FASN: variants seen among roughly 807,000 people sequenced by gnomAD.
FASN encodes the protein 3-hydroxyacyl-[acyl-carrier-protein] dehydratase.
Under a neutral mutation model 250.0 loss-of-function variants are expected in FASN, and 50 were observed. The ratio of observed to expected loss-of-function variants is 0.20; its 90% CI spans 0.16 to 0.25. FASN has a LOEUF of 0.25. Ranked by LOEUF, FASN falls within the 10% of genes least tolerant of loss-of-function variation. The pLI is 1.00. For missense variants in FASN, 3,031 were observed against 3,498.5 expected (o/e 0.87, Z 3.37); for synonymous variants, 1,909 against 1,584.0 (o/e 1.21, Z -4.87).
chr17:82,082,299 G>A, intron 35 of FASN, 24 bp downstream of exon 35: 2 of 1,611,208 alleles, frequency 1.2e-6, no homozygotes, highest in African/African-American at 1.3e-5. Flanking sequence ...GGCAGAGGCG[G>A]GAGCAGGGCT....
Position 82,081,849 on chromosome 17 carries a change from G to A in FASN, c.6164-6C>T. 6.2e-7 allele frequency: 1 copy of A among 1,601,346 alleles called. No homozygotes were observed. The highest frequency in any genetic ancestry group is 8.5e-7 in the Non-Finnish European group (1 of 1,176,580). On this transcript the variant is annotated splice_region_variant and splice_polypyrimidine_tract_variant and intron_variant, in intron 36 of 42. Coordinates refer to ENST00000306749, the MANE Select transcript of FASN (RefSeq NM_004104.5). ...GCCCCACTGCACGGCCAGGCCTGTG[G>A]GGGAGGGGGCAGGTGGGCAGAGCTG...
At position 82,089,170 on chromosome 17, in the gene FASN, C is replaced by T. The variant is rs1221736555; in HGVS notation, c.2103G>A (p.Val701=). The T allele has an allele frequency of 6.3e-7, 1 of 1,582,574 alleles. No homozygotes were observed. Among genetic ancestry groups the T allele is most frequent in the Non-Finnish European group, 8.6e-7 (1 of 1,164,824 alleles). ...CTGAACGTGGCTTCGGCTCCCGGATCACCTGCATGAGGGGCCAGGTCAGTG... is the reference window on the plus strand; with the variant it reads ...CTGAACGTGGCTTCGGCTCCCGGATTACCTGCATGAGGGGCCAGGTCAGTG... ...APPLLQELKK[V]IREPKPRSAR... Residue 701 remains valine (V), a splice_region_variant and synonymous_variant, in exon 14 of 43, where the codon GTG becomes GTA. Transcript: ENST00000306749.
chr17:82,079,875 T>C (rs1408345851), intron 41 of FASN: 1 of 625,806 alleles, frequency 1.6e-6, no homozygotes. Context: ...GCCTGGCTAA[T>C]TTTTGTATTT....
In FASN at chr17:82,080,579, C is replaced by T. The variant is rs933453818; in HGVS notation, c.6838G>A (p.Asp2280Asn). 1 of 1,555,848 alleles carries T rather than the reference C, an allele frequency of 6.4e-7. No individual in the cohort carries two copies. Reference protein sequence around the residue: ...GLQCTRAAPLDSIHSLAAYYI... With the variant: ...GLQCTRAAPLNSIHSLAAYYI... ...TAGGCAGCCAGGCTGTGGATGCTGT[C>T]AAGGGGCGCAGCTGCAATGGCAGTG... Residue 2280 changes from aspartate to asparagine, a missense_variant, in exon 40 of 43, where the codon GAC (aspartate) becomes AAC (asparagine). Asp to Asn is a conservative substitution (Grantham distance 23). Transcript: ENST00000306749.
Position 82,082,589 on chromosome 17 carries a change from G to A in FASN, c.5857C>T (p.Arg1953Trp), listed in dbSNP as rs774038785. 8.7e-6 allele frequency: 14 copies of A among 1,609,964 alleles called. No individual in the cohort carries two copies. The highest frequency in any genetic ancestry group is 3.3e-5 in the Admixed American group (2 of 59,984). ...TSNISSLEGARGLIAEAAQLG... is the reference protein window; with the variant it reads ...TSNISSLEGAWGLIAEAAQLG... ...TGCGCCGCCTCGGCAATGAGGCCCC[G>A]GGCCCCCTCCAGTGAGCTGATGTTG... Residue 1953 changes from arginine to tryptophan, a missense_variant, in exon 34 of 43, where the codon CGG becomes TGG. By Grantham distance (101) the Arg-to-Trp change is moderately radical (BLOSUM62 -3). Transcript: ENST00000306749.
intron 11 of FASN, among the ~76,000 whole-genome samples, chr17:82,089,980 C>G (rs2144800233): frequency 6.6e-6 from 1 of 152,338 alleles, no homozygotes; most frequent in South Asian, 2.1e-4. Context: ...CCTCTGCAGC[C>G]AAGGTTCTTT....
Position 82,093,282 on chromosome 17 carries a change from C to T in FASN, c.592G>A (p.Val198Met), listed in dbSNP as rs777202040. The T allele has an allele frequency of 1.3e-5, 20 of 1,596,368 alleles. No homozygotes were observed. Among genetic ancestry groups the T allele is most frequent in the African/African-American group, 1.1e-4 (8 of 74,750 alleles). ...INVLLKPNTS[V>M]QFLRLGMLSP... is the part of the protein sequence containing the mutation. ...AGCATCCCCAGCCTCAAGAACTGCA[C>T]GGAGGTGTTGGGCTTCAGCAGGACA... The change falls in exon 5 of 43, where the codon GTG becomes ATG. Residue 198 changes from valine to methionine, a missense_variant. By Grantham distance (21) the Val-to-Met change is conservative (BLOSUM62 1). Coordinates refer to ENST00000306749, the MANE Select transcript of FASN (RefSeq NM_004104.5).
rs1685686146 is a variant in FASN, at chr17:82,086,332, G to A, written c.3654C>T (p.Leu1218=). 4 of 1,605,580 alleles carry A rather than the reference G, an allele frequency of 2.5e-6. No individual in the cohort carries two copies. The highest frequency in any genetic ancestry group is 3.4e-6 in the Non-Finnish European group (4 of 1,179,032). ...KLPEDPLLSG[L]LDSPALKACL... ...AGGCCTTGAGTGCCGGGGAGTCCAG[G>A]AGGCCGCTGAGCAGAGGGTCCTCTG... The change falls in exon 22 of 43, where the codon CTC becomes CTT. Residue 1218 remains leucine, a synonymous_variant. Transcript: ENST00000306749.
At chr17:82,094,036 G>A (rs577224788) in intron 3 of FASN, 112 of 555,858 alleles carry the variant, frequency 2.0e-4, no homozygotes, top group African/African-American at 2.0e-3. Context: ...GGAGGGGGCA[G>A]GCGGGCCCAG....
Position 82,085,637 on chromosome 17 carries a change from C to A in FASN, c.3967G>T (p.Gly1323Trp). The A allele has an allele frequency of 6.3e-7, 1 of 1,595,102 alleles. No individual in the cohort carries two copies. Among genetic ancestry groups the A allele is most frequent in the South Asian group, 1.1e-5 (1 of 88,250 alleles). ...TTGCTGAGAGCTGAGGCCGGGTCCCCGAGGGCAGCCACAGCACAGTTGCAC... is the reference window on the plus strand; with the variant it reads ...TTGCTGAGAGCTGAGGCCGGGTCCCAGAGGGCAGCCACAGCACAGTTGCAC... ...LVCNCAVAAL[G>W]DPASALSNMV... is the part of the protein sequence containing the mutation. The change falls in exon 23 of 43, where the codon GGG becomes TGG. Residue 1323 changes from glycine (G) to tryptophan (W), a missense_variant. Transcript: ENST00000306749.
In FASN at chr17:82,084,274, G is replaced by C; in HGVS notation, c.4879C>G (p.Leu1627Val). The stretch of plus-strand genomic sequence containing the variant: ...TCCCAGAGGAAGTCCGGTGACAGCA[G>C]GACAGAGGTGGCCAGGCCCTTGGCA... ...VPAKGLATSV[L>V]LSPDFLWDVP... Residue 1627 changes from leucine (L) to valine (V), a missense_variant, in exon 28 of 43, where the codon CTG (leucine) becomes GTG (valine). Physicochemically the swap from Leu to Val is conservative, Grantham distance 32 (BLOSUM62 1). Coordinates refer to ENST00000306749, the MANE Select transcript of FASN (RefSeq NM_004104.5). 6.2e-7 allele frequency: 1 copy of C among 1,611,934 alleles called. No individual in the cohort carries two copies.
Position 82,088,889 on chromosome 17 carries a change from G to T in FASN, c.2305-13C>A. The T allele has an allele frequency of 6.2e-7, 1 of 1,611,548 alleles. No individual in the cohort carries two copies. The highest frequency in any genetic ancestry group is 1.1e-5 in the South Asian group (1 of 91,054). On this transcript the variant is annotated splice_polypyrimidine_tract_variant and intron_variant, in intron 14 of 42. Transcript: ENST00000306749. ...GCTTCAGGACAGCCTGGGGGCGGCA[G>T]GGCAGGTGGGCTCTCTTGGTGCTCA...
Position 82,093,205 on chromosome 17 carries a change from A to T in FASN, c.655+14T>A. On this transcript the variant is annotated intron_variant, in intron 5 of 42. Coordinates refer to ENST00000306749, the MANE Select transcript of FASN (RefSeq NM_004104.5). ...ACTGTCCCGCCTGCCCTGGCCGCGC[A>T]GCCGCACACTCACCCGCTGTGTCGA... The T allele has an allele frequency of 6.4e-7, 1 of 1,567,054 alleles. No individual in the cohort carries two copies. Among genetic ancestry groups the T allele is most frequent in the South Asian group, 1.2e-5 (1 of 85,548 alleles).
At chr17:82,097,558 C>G (rs565486519) in intron 1 of FASN, 1 of 152,330 alleles carries the variant, frequency 6.6e-6, no homozygotes, top group Non-Finnish European at 1.5e-5. Flanking sequence ...GTCCTCGCCG[C>G]TTGCTATTCA....
In FASN at chr17:82,080,229, C is replaced by T; in HGVS notation, c.7057G>A (p.Ala2353Thr). 1.2e-6 allele frequency: 2 copies of T among 1,613,106 alleles called. No individual in the cohort carries two copies. Among genetic ancestry groups the T allele is most frequent in the Non-Finnish European group, 1.7e-6 (2 of 1,180,014 alleles). ...GCCTCACAGCCTGGGGTCAGCTTTG[C>T]CCGGTAGCTCTGAGAGGAAGGAGGG... Reference protein sequence around the residue: ...YVLAYTQSYRAKLTPGCEAEA... With the variant: ...YVLAYTQSYRTKLTPGCEAEA... The change falls in exon 41 of 43, where the codon GCA becomes ACA. Residue 2353 changes from alanine to threonine, a missense_variant. Ala to Thr is a moderately conservative substitution (Grantham distance 58). Coordinates refer to ENST00000306749, the MANE Select transcript of FASN (RefSeq NM_004104.5).
At chr17:82,080,026 G>A (rs2033959134) in intron 41 of FASN, 114 bp downstream of exon 41, 3 of 1,148,558 alleles carry the variant, frequency 2.6e-6, no homozygotes, top group Non-Finnish European at 2.6e-6. Flanking sequence ...CTATTAAAGG[G>A]GTGAAGTTGG....
intron 21 of FASN, among the ~76,000 whole-genome samples, chr17:82,086,772 G>T (rs191059326): frequency 3.3e-5 from 5 of 152,314 alleles, no homozygotes; most frequent in Admixed American, 3.3e-4. Flanking sequence ...AGCTGCAGGG[G>T]CTACTCTGTG....
At chr17:82,079,333 G>A (rs527692358) in intron 42 of FASN, 24 bp downstream of exon 42, 79 of 1,613,000 alleles carry the variant, frequency 4.9e-5, no homozygotes, top group South Asian at 3.0e-4. Flanking sequence ...CCCTGTCCCC[G>A]TTCCCGTCAG....
Position 82,098,131 on chromosome 17 carries a change from C to A in FASN, c.-18G>T. 2.9e-6 allele frequency: 1 copy of A among 346,938 alleles called. No homozygotes were observed. Among genetic ancestry groups the A allele is most frequent in the Non-Finnish European group, 5.2e-6 (1 of 192,420 alleles). The allele number at this position is 346,938 out of a possible 1,614,324, so 21.5% of individuals were successfully genotyped here. ...GCCGGCTGCTCGTACCTGGTGAGGG[C>A]GCGGGCGGCGGTGCGGGCGGCGGAG... On this transcript the variant is annotated 5_prime_UTR_variant, in exon 1 of 43. Coordinates refer to ENST00000306749, the MANE Select transcript of FASN (RefSeq NM_004104.5).
Sources: gnomAD v4.1 joint callset for allele counts (sites outside exome capture counted in the v4.1 genomes callset) on GRCh38, gnomAD v4.1.1 for gene constraint, MANE v1.5 for transcripts, NCBI Gene and HGNC (gene_info 2026-07-23, HGNC 2026-07-21) for gene names.